MALRD1: variants seen among roughly 807,000 people sequenced by gnomAD.
The protein encoded by MALRD1 is MAM and LDL-receptor class A domain-containing protein 1.
In MALRD1, 247 loss-of-function variants were observed where a neutral mutation model predicts 242.1. The observed-to-expected ratio is 1.02, with a 90% CI of 0.92 to 1.13. MALRD1 has a LOEUF of 1.13. Ranked by LOEUF, MALRD1 falls within the 50% of genes most tolerant of loss-of-function variation. The pLI, the probability that MALRD1 is intolerant of heterozygous loss-of-function variation, is 0.00. For synonymous variants in MALRD1, 995 were observed against 866.6 expected (o/e 1.15, Z -2.60); for missense variants, 2,989 against 2,533.1 (o/e 1.18, Z -3.86).
intron 9 of MALRD1, among the ~76,000 whole-genome samples, chr10:19,136,341 T>G (rs990522908): frequency 4.4e-5 from 4 of 91,796 alleles, no homozygotes; most frequent in African/African-American, 1.2e-4. Context: ...TTCCATCAGT[T>G]TTTTTTTTTT....
intron 39 of MALRD1, 77 bp downstream of exon 39, chr10:19,730,858 C>A: frequency 7.8e-7 from 1 of 1,279,920 alleles, no homozygotes. Flanking sequence ...ACAGGCTGAA[C>A]CAGTGTTGCT....
At chr10:19,051,463 C>T (rs1389495940) in intron 1 of MALRD1, 3 of 177,250 alleles carry the variant, frequency 1.7e-5, no homozygotes, top group Admixed American at 1.1e-4. Flanking sequence ...AGATGGCAGC[C>T]ACCACAGGCT....
At chr10:19,209,784 C>T (rs575812526) in intron 18 of MALRD1, 104 bp downstream of exon 18, 2 of 1,192,224 alleles carry the variant, frequency 1.7e-6, no homozygotes, top group Admixed American at 3.0e-5. Context: ...GGAATTTGAT[C>T]AAAGTTACAT....
intron 36 of MALRD1, among the ~76,000 whole-genome samples, chr10:19,674,243 A>G (rs1283545683): frequency 2.6e-5 from 4 of 152,226 alleles, no homozygotes; most frequent in South Asian, 2.1e-4. Flanking sequence ...TTCAGAGGCC[A>G]GAAAACACAT....
intron 33 of MALRD1, among the ~76,000 whole-genome samples, chr10:19,587,655 C>T (rs954411912): frequency 1.3e-5 from 2 of 152,192 alleles, no homozygotes; most frequent in Non-Finnish European, 2.9e-5. Flanking sequence ...AACAATGAAA[C>T]TTAACGTCTT....
intron 32 of MALRD1, among the ~76,000 whole-genome samples, chr10:19,540,484 G>A (rs1834916684): frequency 6.6e-6 from 1 of 152,098 alleles, no homozygotes; most frequent in South Asian, 2.1e-4. Context: ...AATGAAATAT[G>A]GTGCATAAAG....
chr10:19,380,350 C>T (rs4623790), intron 26 of MALRD1, among the ~76,000 whole-genome samples: 133,147 of 150,584 alleles, frequency 0.88, 59,170 homozygotes, highest in African/African-American at 0.95. Flanking sequence ...AAGTATTCCA[C>T]ACCATGAGTT....
At chr10:19,174,774 G>C (rs527636381) in intron 13 of MALRD1, among the ~76,000 whole-genome samples, 1 of 151,948 alleles carries the variant, frequency 6.6e-6, no homozygotes, top group Non-Finnish European at 1.5e-5. Flanking sequence ...TATATATTAT[G>C]TTTGTATGAA....
At chr10:19,621,379 A>AATT (rs1441894945) in intron 36 of MALRD1, among the ~76,000 whole-genome samples, 1 of 149,376 alleles carries the variant, frequency 6.7e-6, no homozygotes, top group Non-Finnish European at 1.5e-5. Context: ...AGTAAGAATC[A>AATT]ATTGAACCCA....
At chr10:19,587,311 T>G (rs1016957165) in intron 33 of MALRD1, among the ~76,000 whole-genome samples, 2 of 152,256 alleles carry the variant, frequency 1.3e-5, no homozygotes, top group Non-Finnish European at 2.9e-5. Flanking sequence ...AGTTACCCAT[T>G]TGTAACAGGT....
In MALRD1 at chr10:19,368,892, TGTGTG is replaced by T. The variant is rs1845235650; in HGVS notation, c.4441+16596_4441+16600del. On this transcript the variant is annotated intron_variant, in intron 26 of 39. Transcript: ENST00000454679. ...GTGTATGTGTGTGTGTGTGTGTGTTTGTGTGTGTGTGTGTGTGTGTGTGTGTGTGT... is the reference window on the plus strand; with the variant it reads ...GTGTATGTGTGTGTGTGTGTGTGTTTTGTGTGTGTGTGTGTGTGTGTGTGT... 1.3e-4 allele frequency among the ~76,000 whole-genome samples: 11 copies of T among 85,108 alleles called. 1 individual carries two copies. The South Asian group carries it at 4.0e-3, about 31-fold the overall frequency. The allele number at this position is 85,108 out of a possible 152,430, so 55.8% of individuals were successfully genotyped here.
intron 18 of MALRD1, among the ~76,000 whole-genome samples, chr10:19,242,868 T>A (rs1452160883): frequency 6.6e-6 from 1 of 152,102 alleles, no homozygotes; most frequent in Non-Finnish European, 1.5e-5. Context: ...TTTTGCTATC[T>A]GAATCCATTC....
chr10:19,102,100 C>T (rs576533875), intron 4 of MALRD1, among the ~76,000 whole-genome samples: 1 of 141,450 alleles, frequency 7.1e-6, no homozygotes, highest in African/African-American at 2.6e-5. Context: ...ATTATTATAT[C>T]ATATATGATA....
At chr10:19,213,590 G>T (rs547901346) in intron 18 of MALRD1, among the ~76,000 whole-genome samples, 1 of 152,252 alleles carries the variant, frequency 6.6e-6, no homozygotes, top group East Asian at 1.9e-4. Flanking sequence ...GTTTCAATAA[G>T]CATTTTAATG....
chr10:19,557,137 G>T (rs1218127085), intron 32 of MALRD1, among the ~76,000 whole-genome samples: 2 of 151,938 alleles, frequency 1.3e-5, no homozygotes, highest in Non-Finnish European at 2.9e-5. Flanking sequence ...TTCTCATCAG[G>T]TTGTTTATTT....
intron 19 of MALRD1, among the ~76,000 whole-genome samples, chr10:19,261,187 G>T (rs1839730442): frequency 6.6e-6 from 1 of 152,096 alleles, no homozygotes; most frequent in Non-Finnish European, 1.5e-5. Flanking sequence ...TCCAAGGGGA[G>T]GTAAAACAGC....
chr10:19,457,396 C>T (rs966205494), intron 29 of MALRD1, among the ~76,000 whole-genome samples: 9 of 151,970 alleles, frequency 5.9e-5, no homozygotes, highest in African/African-American at 2.2e-4. Flanking sequence ...AGATAGGCAG[C>T]AAGGGACAAC....
chr10:19,530,288 A>G (rs138148167), intron 31 of MALRD1, among the ~76,000 whole-genome samples: 1 of 145,728 alleles, frequency 6.9e-6, no homozygotes, highest in African/African-American at 2.5e-5. Context: ...TTTGTCATCT[A>G]TATTTTGAAG....
intron 38 of MALRD1, among the ~76,000 whole-genome samples, chr10:19,695,465 A>C (rs1011134522): frequency 6.6e-6 from 1 of 151,646 alleles, no homozygotes; most frequent in Non-Finnish European, 1.5e-5. Flanking sequence ...ATGGCTGGGG[A>C]GGCCTCACAA....
Sources: allele counts gnomAD v4.1 joint callset (sites outside exome capture counted in the v4.1 genomes callset), GRCh38; gene constraint gnomAD v4.1.1; transcripts MANE v1.5; gene names NCBI Gene and HGNC (gene_info 2026-07-23, HGNC 2026-07-21).